The following C1QTNF7 variants were observed in gnomAD, a reference collection of about 807,000 sequenced individuals.
C1QTNF7 encodes the protein C1q and TNF related 7.
A neutral mutation model predicts 19.6 loss-of-function variants in C1QTNF7; 15 were observed. That is an observed-to-expected ratio of 0.76 (90% CI 0.51 to 1.18). The LOEUF (loss-of-function observed/expected upper bound fraction) is 1.18, where lower values mean the gene tolerates loss of function less well. Among genes scored for constraint, C1QTNF7 ranks in the 50% most tolerant of loss-of-function variants. C1QTNF7 has a pLI of 0.00. For synonymous variants in C1QTNF7, 142 were observed against 137.5 expected (o/e 1.03, Z -0.23); for missense variants, 324 against 359.7 (o/e 0.90, Z 0.80).
chr4:15,407,098 G>A (rs1016784441), intron 1 of C1QTNF7, among the ~76,000 whole-genome samples: 6 of 152,028 alleles, frequency 3.9e-5, no homozygotes, highest in Non-Finnish European at 4.4e-5. Flanking sequence ...GAGACCAAGC[G>A]GCTCTTAATT....
intron 1 of C1QTNF7, among the ~76,000 whole-genome samples, chr4:15,364,344 G>C (rs1158166064): frequency 2.0e-5 from 3 of 152,150 alleles, no homozygotes; most frequent in African/African-American, 7.2e-5. Flanking sequence ...TCATTTACCA[G>C]CTGTGTGATC....
chr4:15,443,588 T>C lies in C1QTNF7; in HGVS notation c.*789T>C, dbSNP rs1183269595. The stretch of plus-strand genomic sequence containing the variant: ...TATGTGTTTAAGGGGGTGTGATGGA[T>C]GCAAAGGGAATGAGGAATTCAGCAC... On this transcript the variant is annotated 3_prime_UTR_variant, in exon 3 of 3. Coordinates refer to ENST00000444304, the MANE Select transcript of C1QTNF7 (RefSeq NM_031911.5). The C allele has an allele frequency of 6.6e-6, 1 of 152,224 alleles. No homozygotes were observed. The highest frequency in any genetic ancestry group is 1.5e-5 in the Non-Finnish European group (1 of 68,048). The allele number at this position is 152,224 out of a possible 1,614,324, so 9.4% of individuals were successfully genotyped here. A position where few individuals can be genotyped will look rare whatever the true frequency, so the allele number is the denominator to read the frequency against.
intron 1 of C1QTNF7, among the ~76,000 whole-genome samples, chr4:15,408,870 G>T (rs1249461012): frequency 2.0e-5 from 3 of 152,154 alleles, no homozygotes; most frequent in Non-Finnish European, 4.4e-5. Flanking sequence ...AAATTCATGT[G>T]TTGAAGCCCT....
chr4:15,353,158 C>A (rs1716992765), intron 1 of C1QTNF7, among the ~76,000 whole-genome samples: 1 of 152,080 alleles, frequency 6.6e-6, no homozygotes, highest in Non-Finnish European at 1.5e-5. Flanking sequence ...TTTTCTCTCC[C>A]AATAAAAAGG....
intron 1 of C1QTNF7, among the ~76,000 whole-genome samples, chr4:15,346,603 A>C (rs1716726052): frequency 6.6e-6 from 1 of 152,208 alleles, no homozygotes; most frequent in African/African-American, 2.4e-5. Context: ...ATTTATGTAG[A>C]AAGACTTTTT....
chr4:15,424,257 G>A (rs142855179), upstream of C1QTNF7, among the ~76,000 whole-genome samples: 60 of 152,306 alleles, frequency 3.9e-4, no homozygotes, highest in African/African-American at 1.3e-3. Flanking sequence ...TTCAGGATAT[G>A]CTGTACCCTT....
intron 1 of C1QTNF7, among the ~76,000 whole-genome samples, chr4:15,371,300 A>G (rs1372292511): frequency 1.3e-5 from 2 of 152,244 alleles, no homozygotes; most frequent in East Asian, 3.8e-4. Flanking sequence ...TGGTACACAG[A>G]GGGCTTAATA....
chr4:15,351,645 G>C lies in C1QTNF7; in HGVS notation c.13+11438G>C, dbSNP rs991226933. Among the ~76,000 whole-genome samples, 14 of 152,262 alleles carry C rather than the reference G, an allele frequency of 9.2e-5. No individual in the cohort carries two copies. The South Asian group carries it at 2.9e-3, about 32-fold the overall frequency. On this transcript the variant is annotated intron_variant, in intron 1 of 2. Coordinates refer to the C1QTNF7 transcript ENST00000295297. ...TCAGAATCTCTGGGGGTGGAACCCA[G>C]GTGTGAATAATTTTTTAAAGCTCCT...
intron 1 of C1QTNF7, among the ~76,000 whole-genome samples, chr4:15,434,168 CTT>C (rs376003505): frequency 1.4e-5 from 2 of 145,266 alleles, no homozygotes; most frequent in African/African-American, 2.5e-5. Flanking sequence ...GTTCTCCTTG[CTT>C]TTTTTTTTTC....
chr4:15,353,070 T>C (rs1424994341), intron 1 of C1QTNF7, among the ~76,000 whole-genome samples: 1 of 152,202 alleles, frequency 6.6e-6, no homozygotes, highest in Non-Finnish European at 1.5e-5. Context: ...AATGAGATGA[T>C]TTCCATTTGG....
chr4:15,351,512 CATAA>C lies in C1QTNF7; in HGVS notation c.13+11311_13+11314del, dbSNP rs1208713290. ...GGAGAAACAGAGCATTGCAATATTA[CATAA>C]ATAAAGGAGAGTAGGAATTTTAGCC... is the stretch of plus-strand genomic sequence containing the variant. On this transcript the variant is annotated intron_variant, in intron 1 of 2. Coordinates refer to the C1QTNF7 transcript ENST00000295297. Among the ~76,000 whole-genome samples, 3 of 152,242 alleles carry C rather than the reference CATAA, an allele frequency of 2.0e-5. No homozygotes were observed. In the East Asian group the frequency reaches 5.8e-4, roughly 29 times the overall value.
chr4:15,417,820 C>A (rs1189125253), intron 1 of C1QTNF7, among the ~76,000 whole-genome samples: 1 of 152,104 alleles, frequency 6.6e-6, no homozygotes, highest in African/African-American at 2.4e-5. Flanking sequence ...CTGGTGAGAG[C>A]CTCGGGAAGC....
intron 1 of C1QTNF7, among the ~76,000 whole-genome samples, chr4:15,412,226 A>G (rs1425578446): frequency 1.3e-5 from 2 of 152,204 alleles, no homozygotes; most frequent in Non-Finnish European, 2.9e-5. Context: ...CATGAGTTGT[A>G]TAATTATTTC....
chr4:15,435,208 G>C (rs1019776698), intron 1 of C1QTNF7, among the ~76,000 whole-genome samples: 2 of 152,138 alleles, frequency 1.3e-5, no homozygotes, highest in African/African-American at 4.8e-5. Flanking sequence ...ACATAATTTT[G>C]ACATGAGAAG....
At position 15,435,825 on chromosome 4, in the gene C1QTNF7, T is replaced by C; in HGVS notation, c.82T>C (p.Tyr28His). The change falls in exon 2 of 3, where the codon TAC becomes CAC. Residue 28 changes from tyrosine to histidine, a missense_variant. Tyr to His is a moderately conservative substitution (Grantham distance 83, BLOSUM62 2). Transcript: ENST00000444304. ...PRGNQLKGEN[Y>H]SPRYICSIPG... ...GGGTAATCAGTTGAAAGGAGAGAAC[T>C]ACTCCCCCAGGTATATCTGCAGCAT... 2 of 1,614,160 alleles carry C rather than the reference T, an allele frequency of 1.2e-6. No homozygotes were observed. Among genetic ancestry groups the C allele is most frequent in the South Asian group, 2.2e-5 (2 of 91,090 alleles).
intron 1 of C1QTNF7, among the ~76,000 whole-genome samples, chr4:15,370,862 A>AGG (rs1717695167): frequency 6.6e-6 from 1 of 152,202 alleles, no homozygotes; most frequent in African/African-American, 2.4e-5. Context: ...AATAGATAAT[A>AGG]ATGGAAACAC....
chr4:15,395,681 T>C (rs1718756115), intron 1 of C1QTNF7, among the ~76,000 whole-genome samples: 1 of 152,122 alleles, frequency 6.6e-6, no homozygotes. Flanking sequence ...GGGTCCATTG[T>C]TCAAATGACA....
intron 1 of C1QTNF7, among the ~76,000 whole-genome samples, chr4:15,418,338 G>A (rs1451473950): frequency 6.6e-6 from 1 of 151,980 alleles, no homozygotes; most frequent in Non-Finnish European, 1.5e-5. Context: ...TAAGATAAAA[G>A]CCAACCTCTT....
At chr4:15,369,959 T>C (rs1397801008) in intron 1 of C1QTNF7, among the ~76,000 whole-genome samples, 1 of 152,182 alleles carries the variant, frequency 6.6e-6, no homozygotes, top group Non-Finnish European at 1.5e-5. Flanking sequence ...TTTAAAGAAC[T>C]GTAAAGAATC....
Sources: gnomAD v4.1 joint callset for allele counts (sites outside exome capture counted in the v4.1 genomes callset) on GRCh38, gnomAD v4.1.1 for gene constraint, MANE v1.5 for transcripts, NCBI Gene and HGNC (gene_info 2026-07-23, HGNC 2026-07-21) for gene names.